Variants in ASPH observed in about 807,000 individuals in gnomAD.
The protein encoded by ASPH is aspartyl/asparaginyl beta-hydroxylase.
ASPH carries 100 observed loss-of-function variants against 118.4 expected under a neutral mutation model. The ratio of observed to expected loss-of-function variants is 0.84; its 90% CI spans 0.72 to 1.00. The LOEUF is 1.00. Ranked by LOEUF, ASPH falls within the 50% of genes least tolerant of loss-of-function variation. The probability of loss-of-function intolerance (pLI) is 0.00; values close to 1 mark genes in which losing one functional copy is unlikely to be tolerated. For missense variants in ASPH, 920 were observed against 919.5 expected (o/e 1.00, Z -0.01); for synonymous variants, 315 against 325.6 (o/e 0.97, Z 0.35).
chr8:61,517,377 G>C, intron 24 of ASPH, 151 bp downstream of exon 24: 1 of 1,121,526 alleles, frequency 8.9e-7, no homozygotes, highest in Non-Finnish European at 1.3e-6. Flanking sequence ...ACCAAGAAGG[G>C]ATATAGACTT....
rs185849943 is a variant in ASPH, at chr8:61,650,369, G to C, written c.490+681C>G. On this transcript the variant is annotated intron_variant, in intron 5 of 24. Coordinates refer to ENST00000379454, the MANE Select transcript of ASPH (RefSeq NM_004318.4). ...TTTATTTTCCTTTAGGCCACCCTTG[G>C]ATCACACCAAAGCATCAGGAGAATC... is the stretch of plus-strand genomic sequence containing the variant. 1.4e-3 allele frequency among the ~76,000 whole-genome samples: 220 copies of C among 152,166 alleles called. 1 individual carries two copies. Among genetic ancestry groups the C allele is most frequent in the African/African-American group, 4.5e-3 (188 of 41,494 alleles).
intron 3 of ASPH, among the ~76,000 whole-genome samples, chr8:61,671,613 T>C (rs1177418558): frequency 6.6e-6 from 1 of 152,256 alleles, no homozygotes; most frequent in African/African-American, 2.4e-5. Flanking sequence ...CGTCCTTTTA[T>C]ACTTATTTTG....
intron 15 of ASPH, among the ~76,000 whole-genome samples, chr8:61,577,423 A>AAAAAAAAAAAAAG (rs10634345): frequency 6.7e-6 from 1 of 149,084 alleles, no homozygotes; most frequent in Non-Finnish European, 1.5e-5. Context: ...AAAAAAAAAA[A>AAAAAAAAAAAAAG]GACAAGACAC....
chr8:61,640,407 C>G (rs1804578709), intron 10 of ASPH, among the ~76,000 whole-genome samples: 1 of 152,186 alleles, frequency 6.6e-6, no homozygotes, highest in African/African-American at 2.4e-5. Context: ...CCTCTGAACC[C>G]AGCCCATTTC....
At chr8:61,685,377 A>C (rs1335817645) in intron 1 of ASPH, among the ~76,000 whole-genome samples, 1 of 152,192 alleles carries the variant, frequency 6.6e-6, no homozygotes, top group Admixed American at 6.5e-5. Flanking sequence ...CTGTTTTATA[A>C]GTGAAACATG....
intron 1 of ASPH, among the ~76,000 whole-genome samples, chr8:61,697,961 G>GAA (rs112910762): frequency 4.1e-5 from 6 of 145,976 alleles, no homozygotes; most frequent in Admixed American, 2.1e-4. Context: ...CAGCTAATTA[G>GAA]AAAAAAAAAA....
In ASPH at chr8:61,556,000, T is replaced by C; in HGVS notation, c.1460A>G (p.Asp487Gly). ...GCCATAATGGACTTTAGCAAAGCCA[T>C]CATTAGGTGTCACACTCAGCACCTA... Reference protein sequence around the residue: ...YEEVLSVTPNDGFAKVHYGFI... With the variant: ...YEEVLSVTPNGGFAKVHYGFI... Residue 487 changes from aspartate to glycine, a missense_variant, in exon 19 of 25, where the codon GAT (aspartate) becomes GGT (glycine). Physicochemically the swap from Asp to Gly is moderately conservative, Grantham distance 94. Transcript: ENST00000379454. 6.2e-7 allele frequency: 1 copy of C among 1,613,920 alleles called. No homozygotes were observed. Among genetic ancestry groups the C allele is most frequent in the Non-Finnish European group, 8.5e-7 (1 of 1,179,952 alleles).
Position 61,599,734 on chromosome 8 carries a change from C to T in ASPH, c.977-15705G>A, listed in dbSNP as rs563506017. ...GATTGAACTAGGAAGAAACAGAAAC[C>T]CTGAACAGATCAATAACAAGTAATG... is the stretch of plus-strand genomic sequence containing the variant. On this transcript the variant is annotated intron_variant, in intron 14 of 24. Coordinates refer to ENST00000379454, the MANE Select transcript of ASPH (RefSeq NM_004318.4). 4.9e-4 allele frequency among the ~76,000 whole-genome samples: 75 copies of T among 151,644 alleles called. No individual in the cohort carries two copies. In the South Asian group the frequency reaches 0.016, roughly 32 times the overall value.
At chr8:61,510,514 A>G (rs1376571419) in intron 24 of ASPH, among the ~76,000 whole-genome samples, 4 of 152,222 alleles carry the variant, frequency 2.6e-5, no homozygotes, top group Non-Finnish European at 5.9e-5. Context: ...TACTATTGCC[A>G]GAGAAAAATG....
chr8:61,653,763 C>T (rs1812269476), intron 3 of ASPH, 103 bp from the exon 4 acceptor site: 1 of 1,155,842 alleles, frequency 8.7e-7, no homozygotes, highest in Non-Finnish European at 1.2e-6. Flanking sequence ...AATAGTGCTG[C>T]TAATTAATAG....
intron 21 of ASPH, among the ~76,000 whole-genome samples, chr8:61,536,104 C>T (rs1819478708): frequency 7.0e-6 from 1 of 143,856 alleles, no homozygotes; most frequent in South Asian, 2.2e-4. Flanking sequence ...TAGTGGCATG[C>T]TCTTGGCTTG....
chr8:61,643,054 C>G, intron 9 of ASPH, 134 bp from the exon 10 acceptor site: 1 of 826,674 alleles, frequency 1.2e-6, no homozygotes, highest in Non-Finnish European at 1.8e-6. Flanking sequence ...TCTGCTCAGT[C>G]AATAATAAAT....
At chr8:61,712,321 T>C (rs1023794943) in intron 1 of ASPH, among the ~76,000 whole-genome samples, 3 of 152,214 alleles carry the variant, frequency 2.0e-5, no homozygotes, top group Non-Finnish European at 4.4e-5. Flanking sequence ...CACGACACTG[T>C]ACTTTAACTG....
chr8:61,713,221 C>A (rs1369481158), intron 1 of ASPH, among the ~76,000 whole-genome samples: 9 of 152,178 alleles, frequency 5.9e-5, no homozygotes, highest in Admixed American at 3.3e-4. Flanking sequence ...TCCATTCATT[C>A]ATTCACTACT....
intron 2 of ASPH, chr8:61,682,317 C>A: frequency 1.0e-6 from 1 of 1,002,370 alleles, no homozygotes; most frequent in East Asian, 2.5e-5. Flanking sequence ...CTGACAAACC[C>A]ATAATGGGAA....
At chr8:61,568,362 A>G (rs1336827786) in intron 16 of ASPH, among the ~76,000 whole-genome samples, 1 of 152,164 alleles carries the variant, frequency 6.6e-6, no homozygotes, top group African/African-American at 2.4e-5. Flanking sequence ...CTGATTGTCT[A>G]AATGTAGGGT....
intron 16 of ASPH, among the ~76,000 whole-genome samples, chr8:61,574,796 T>C (rs1834586337): frequency 1.3e-5 from 2 of 152,124 alleles, no homozygotes; most frequent in Non-Finnish European, 2.9e-5. Context: ...TATACCTATG[T>C]AACAAACCTC....
chr8:61,568,306 T>C (rs1832428638), intron 16 of ASPH, among the ~76,000 whole-genome samples: 3 of 152,028 alleles, frequency 2.0e-5, no homozygotes, highest in African/African-American at 2.4e-5. Context: ...TGGTAACAAG[T>C]GGTCAGATTA....
rs1838924955 is a variant in ASPH at position 61,714,533 on chromosome 8, G to C, written c.-162C>G. On this transcript the variant is annotated 5_prime_UTR_variant, in exon 1 of 25. Coordinates refer to ENST00000379454, the MANE Select transcript of ASPH (RefSeq NM_004318.4). ...CCTCAGCACCGCCTGCAGCACCTGGGAAGACTTCACCCGCCTGCCGGCTGC... is the reference window on the plus strand; with the variant it reads ...CCTCAGCACCGCCTGCAGCACCTGGCAAGACTTCACCCGCCTGCCGGCTGC... 1 of 1,100,650 alleles carries C rather than the reference G, an allele frequency of 9.1e-7. No individual in the cohort carries two copies. The highest frequency in any genetic ancestry group is 1.2e-6 in the Non-Finnish European group (1 of 851,578). 68.2% of individuals were successfully genotyped at this position (1,100,650 alleles called of 1,614,324 possible).
Sources: gnomAD v4.1 joint callset for allele counts (sites outside exome capture counted in the v4.1 genomes callset) on GRCh38, gnomAD v4.1.1 for gene constraint, MANE v1.5 for transcripts, NCBI Gene and HGNC (gene_info 2026-07-23, HGNC 2026-07-21) for gene names.